MSI2: variants seen among roughly 807,000 people sequenced by gnomAD.
MSI2 encodes musashi RNA binding protein 2.
MSI2 carries 17 observed loss-of-function variants against 45.6 expected under a neutral mutation model. The observed-to-expected ratio is 0.37, with a 90% confidence interval of 0.26 to 0.56. The LOEUF (loss-of-function observed/expected upper bound fraction) is 0.56. Among genes scored for constraint, MSI2 ranks in the 20% least tolerant of loss-of-function variants. MSI2 has a pLI of 0.77. For missense variants in MSI2, 293 were observed against 444.2 expected (o/e 0.66, Z 3.06); for synonymous variants, 156 against 158.2 (o/e 0.99, Z 0.11).
At chr17:57,537,793 A>T (rs1162569174) in intron 7 of MSI2, among the ~76,000 whole-genome samples, 1 of 152,194 alleles carries the variant, frequency 6.6e-6, no homozygotes, top group Non-Finnish European at 1.5e-5. Flanking sequence ...TCCTAGCAAC[A>T]GGGCTGGGGG....
chr17:57,680,115 G>A lies in MSI2; in HGVS notation c.*598G>A, dbSNP rs185991286. ...GTGAAGTGCAGGGCGGGAGGTGGGCGTGAGCTTTCTATTTTGCGTTGTAGA... is the reference window on the plus strand; with the variant it reads ...GTGAAGTGCAGGGCGGGAGGTGGGCATGAGCTTTCTATTTTGCGTTGTAGA... On this transcript the variant is annotated 3_prime_UTR_variant, in exon 14 of 14. Transcript: ENST00000284073. 3.1e-5 allele frequency: 7 copies of A among 227,734 alleles called. No individual in the cohort carries two copies. Among genetic ancestry groups the A allele is most frequent in the South Asian group, 1.8e-4 (1 of 5,478 alleles). 14.1% of individuals were successfully genotyped at this position (227,734 alleles called of 1,614,324 possible). A position where few individuals can be genotyped will look rare whatever the true frequency, so the allele number is the denominator to read the frequency against.
At chr17:57,643,182 G>C (rs1200345238) in intron 10 of MSI2, among the ~76,000 whole-genome samples, 1 of 152,162 alleles carries the variant, frequency 6.6e-6, no homozygotes, top group East Asian at 1.9e-4. Flanking sequence ...TACTGGAAGA[G>C]GGGAGGCAGG....
At chr17:57,389,131 A>G (rs1056244436) in intron 5 of MSI2, among the ~76,000 whole-genome samples, 1 of 121,454 alleles carries the variant, frequency 8.2e-6, no homozygotes, top group Non-Finnish European at 1.9e-5. Flanking sequence ...GGCATGTGCC[A>G]CCACACCCAA....
At chr17:57,542,306 T>TA (rs2087067040) in intron 7 of MSI2, among the ~76,000 whole-genome samples, 1 of 152,218 alleles carries the variant, frequency 6.6e-6, no homozygotes, top group Non-Finnish European at 1.5e-5. Context: ...TCTCTTCCCT[T>TA]ACGTTCTTCT....
intron 6 of MSI2, among the ~76,000 whole-genome samples, chr17:57,491,968 GT>G (rs1230486418): frequency 2.6e-5 from 4 of 152,126 alleles, no homozygotes; most frequent in African/African-American, 9.7e-5. Context: ...TTCTGTATTA[GT>G]GTTGTAATTT....
intron 10 of MSI2, among the ~76,000 whole-genome samples, chr17:57,633,429 G>A (rs546609549): frequency 4.6e-5 from 7 of 152,340 alleles, no homozygotes; most frequent in Admixed American, 2.0e-4. Context: ...GTATCGCCCC[G>A]ATGCTCCTTC....
chr17:57,691,310 C>G, the MSI2 span, among the ~76,000 whole-genome samples: 1 of 151,998 alleles, frequency 6.6e-6, no homozygotes, highest in East Asian at 1.9e-4. Flanking sequence ...AGTGAACCCA[C>G]CAGCTTTGGT....
intron 10 of MSI2, among the ~76,000 whole-genome samples, chr17:57,648,175 G>GTGTGTGTT (rs1223747182): frequency 3.4e-5 from 5 of 146,054 alleles, no homozygotes; most frequent in Admixed American, 1.4e-4. Context: ...GTGTGTGTGT[G>GTGTGTGTT]TGTGTGTTTG....
At chr17:57,624,043 G>A (rs1908559710) in intron 9 of MSI2, among the ~76,000 whole-genome samples, 1 of 152,174 alleles carries the variant, frequency 6.6e-6, no homozygotes, top group South Asian at 2.1e-4. Context: ...CCAAAGTTGG[G>A]GTGAACTTGA....
intron 7 of MSI2, among the ~76,000 whole-genome samples, chr17:57,548,419 G>A (rs2087221526): frequency 6.6e-6 from 1 of 152,184 alleles, no homozygotes; most frequent in African/African-American, 2.4e-5. Flanking sequence ...CTTTCAATTT[G>A]TCAAGCTTTC....
At chr17:57,692,192 T>C in the MSI2 span, among the ~76,000 whole-genome samples, 1 of 152,226 alleles carries the variant, frequency 6.6e-6, no homozygotes, top group Non-Finnish European at 1.5e-5. Context: ...GCATTCCCAG[T>C]ATAAGCCCAC....
chr17:57,410,933 G>A (rs997341512), intron 6 of MSI2, among the ~76,000 whole-genome samples: 5 of 152,148 alleles, frequency 3.3e-5, no homozygotes, highest in African/African-American at 1.2e-4. Context: ...ATGAAATGCT[G>A]GAGTAGTTTG....
chr17:57,405,058 C>T (rs551666796), intron 6 of MSI2, among the ~76,000 whole-genome samples: 7 of 152,010 alleles, frequency 4.6e-5, no homozygotes, highest in Non-Finnish European at 7.4e-5. Context: ...GTAGCTGTTC[C>T]GGGGTTGTCT....
intron 6 of MSI2, among the ~76,000 whole-genome samples, chr17:57,434,104 T>C (rs941483512): frequency 6.6e-6 from 1 of 152,198 alleles, no homozygotes; most frequent in African/African-American, 2.4e-5. Context: ...ATTTTAACGA[T>C]TTATTTTTTT....
intron 5 of MSI2, among the ~76,000 whole-genome samples, chr17:57,363,105 C>G (rs1248457420): frequency 6.6e-6 from 1 of 152,186 alleles, no homozygotes; most frequent in Non-Finnish European, 1.5e-5. Context: ...AAGGTGGAAA[C>G]AACCCAAATG....
chr17:57,353,199 T>C (rs1267299809), intron 5 of MSI2, among the ~76,000 whole-genome samples: 4 of 152,204 alleles, frequency 2.6e-5, no homozygotes, highest in Non-Finnish European at 5.9e-5. Context: ...AACTCAAGTA[T>C]AGCCTGGCCT....
intron 5 of MSI2, among the ~76,000 whole-genome samples, chr17:57,331,065 C>T (rs1446242146): frequency 6.6e-6 from 1 of 152,050 alleles, no homozygotes; most frequent in African/African-American, 2.4e-5. Flanking sequence ...AGGCACGCAC[C>T]ACCATGCCCA....
chr17:57,277,825 G>A (rs181202563), intron 5 of MSI2: 1 of 152,212 alleles, frequency 6.6e-6, no homozygotes, highest in Middle Eastern at 3.2e-3. Flanking sequence ...ATTCCTGGGG[G>A]CTACTTTTAC....
rs184712403 is a variant in MSI2 at position 57,409,812 on chromosome 17, G to T, written c.405+8341G>T. Among the ~76,000 whole-genome samples, 212 of 152,132 alleles carry T rather than the reference G, an allele frequency of 1.4e-3. 2 individuals carry two copies. Among genetic ancestry groups the T allele is most frequent in the East Asian group, 4.3e-3 (22 of 5,158 alleles). On this transcript the variant is annotated intron_variant, in intron 6 of 13. Transcript: ENST00000284073. ...TCATGAGGTCAGGAGTTCGAGACCA[G>T]CCTGGCCAACATGGTGAAACCCTGT...
Sources: gnomAD v4.1 joint callset for allele counts (sites outside exome capture counted in the v4.1 genomes callset) on GRCh38, gnomAD v4.1.1 for gene constraint, MANE v1.5 for transcripts, NCBI Gene and HGNC (gene_info 2026-07-23, HGNC 2026-07-21) for gene names.